The following ZNF558 variants were observed in gnomAD, a reference collection of about 807,000 sequenced individuals.
ZNF558 encodes zinc finger protein 558.
A neutral mutation model predicts 37.6 loss-of-function variants in ZNF558; 23 were observed. The observed-to-expected ratio is 0.61, with a 90% CI of 0.44 to 0.87. The LOEUF is 0.87. Among genes scored for constraint, ZNF558 ranks in the 40% least tolerant of loss-of-function variants. ZNF558 has a pLI of 0.00. For synonymous variants in ZNF558, 189 were observed against 174.4 expected (o/e 1.08, Z -0.66); for missense variants, 429 against 483.7 (o/e 0.89, Z 1.06).
At position 8,807,375 on chromosome 19, in the gene ZNF558, A is replaced by G. The variant is rs1425861619; in HGVS notation, c.*3906T>C. 10 of 152,162 alleles carry G rather than the reference A, an allele frequency of 6.6e-5. No individual in the cohort carries two copies. The highest frequency in any genetic ancestry group is 2.4e-4 in the African/African-American group (10 of 41,422). The allele number at this position is 152,162 out of a possible 1,614,324, so 9.4% of individuals were successfully genotyped here. A position where few individuals can be genotyped will look rare whatever the true frequency, so the allele number is the denominator to read the frequency against. Reference sequence around the variant, plus strand: ...TGAGTAGACCCTTTATGAAAACTCTACTTGAATTGTCCTAGTCTGTGGGTG... The same window carrying G: ...TGAGTAGACCCTTTATGAAAACTCTGCTTGAATTGTCCTAGTCTGTGGGTG... On this transcript the variant is annotated 3_prime_UTR_variant, in exon 10 of 10. Coordinates refer to ENST00000601372, the MANE Select transcript of ZNF558 (RefSeq NM_144693.3).
chr19:8,831,558 C>T (rs571079939), intron 1 of ZNF558, among the ~76,000 whole-genome samples, 157 bp from the exon 2 acceptor site: 1 of 152,334 alleles, frequency 6.6e-6, no homozygotes, highest in East Asian at 1.9e-4. Flanking sequence ...CCATGACTGG[C>T]TTTACCTGAT....
chr19:8,827,809 G>A (rs2044266629), intron 2 of ZNF558, among the ~76,000 whole-genome samples: 1 of 151,998 alleles, frequency 6.6e-6, no homozygotes, highest in Non-Finnish European at 1.5e-5. Flanking sequence ...TCTGACATCA[G>A]GTGATCAGCC....
rs900652772 is a variant in ZNF558, at chr19:8,816,438, C to T, written c.248-3216G>A. Among the ~76,000 whole-genome samples, 11 of 152,072 alleles carry T rather than the reference C, an allele frequency of 7.2e-5. 1 individual carries two copies. Among genetic ancestry groups the T allele is most frequent in the Non-Finnish European group, 1.0e-4 (7 of 68,040 alleles). On this transcript the variant is annotated intron_variant, in intron 7 of 9. Transcript: ENST00000601372. ...ACAGCAAGACGGAGATGACTTATGA[C>T]GTAAACAGGATCCTCGGTAAGATTA...
rs912140874 is a variant in ZNF558, at chr19:8,822,927, C to T, written c.-65-203G>A. On this transcript the variant is annotated intron_variant, in intron 4 of 9. Transcript: ENST00000601372. This position sits in a 1 kb window ranked among gnomAD's most constrained non-coding sequence, Gnocchi z 4.4. ...CCTTCCTCTGTCCCCAACACAACGA[C>T]CAGTACCTCCCTGACCCACCCGCTT... 3.7e-6 allele frequency: 2 copies of T among 539,320 alleles called. No homozygotes were observed. Among genetic ancestry groups the T allele is most frequent in the Non-Finnish European group, 6.7e-6 (2 of 298,222 alleles). The allele number at this position is 539,320 out of a possible 1,614,324, so 33.4% of individuals were successfully genotyped here.
chr19:8,819,463 G>A (rs1213112374), intron 7 of ZNF558, among the ~76,000 whole-genome samples: 1 of 152,138 alleles, frequency 6.6e-6, no homozygotes, highest in Non-Finnish European at 1.5e-5. Flanking sequence ...TTACAGGCGT[G>A]AGCCACTCTG....
chr19:8,824,720 CTG>C (rs2044191752), intron 3 of ZNF558, among the ~76,000 whole-genome samples: 1 of 152,138 alleles, frequency 6.6e-6, no homozygotes, highest in South Asian at 2.1e-4. Flanking sequence ...GAGGAGCTGT[CTG>C]TGCTCGAAGC....
intron 7 of ZNF558, among the ~76,000 whole-genome samples, chr19:8,814,792 A>G (rs2043889841): frequency 6.6e-6 from 1 of 152,178 alleles, no homozygotes; most frequent in South Asian, 2.1e-4. Context: ...CCATTACGCT[A>G]TCAGAAAAGA....
the ZNF558 span, among the ~76,000 whole-genome samples, chr19:8,837,501 A>G: frequency 5.9e-5 from 9 of 152,216 alleles, no homozygotes; most frequent in Non-Finnish European, 1.2e-4. Context: ...CTAGGAATAT[A>G]AAATTCCAGG....
At chr19:8,819,878 T>C (rs368413513) in intron 7 of ZNF558, among the ~76,000 whole-genome samples, 23 of 152,224 alleles carry the variant, frequency 1.5e-4, no homozygotes, top group Non-Finnish European at 2.8e-4. Flanking sequence ...AAGGCAGAGG[T>C]TGCAGTGAGC....
Position 8,827,571 on chromosome 19 carries a change from C to CTTTT in ZNF558, c.-508-2467_-508-2464dup, listed in dbSNP as rs386388513. Among the ~76,000 whole-genome samples, 493 of 94,060 alleles carry CTTTT rather than the reference C, an allele frequency of 5.2e-3. 4 individuals carry two copies. The highest frequency in any genetic ancestry group is 8.5e-3 in the East Asian group (23 of 2,694). 61.7% of individuals were successfully genotyped at this position (94,060 alleles called of 152,430 possible). Reference sequence around the variant, plus strand: ...TCTTGGTCACACTTCTTTCCCTATTCTTTTTTTTTTTTTTTTTTTTTTTTG... The same window carrying CTTTT: ...TCTTGGTCACACTTCTTTCCCTATTCTTTTTTTTTTTTTTTTTTTTTTTTTTTTG... On this transcript the variant is annotated intron_variant, in intron 2 of 9. Coordinates refer to ENST00000601372, the MANE Select transcript of ZNF558 (RefSeq NM_144693.3).
intron 2 of ZNF558, among the ~76,000 whole-genome samples, chr19:8,830,229 T>TC (rs889834339): frequency 4.6e-5 from 7 of 152,116 alleles, no homozygotes; most frequent in Admixed American, 2.0e-4. Flanking sequence ...TCCTGAGGCC[T>TC]CCCCCGCCAT....
rs146298317 is a variant in ZNF558 at position 8,808,373 on chromosome 19, T to C, written c.*2908A>G. On this transcript the variant is annotated 3_prime_UTR_variant, in exon 10 of 10. Coordinates refer to ENST00000601372, the MANE Select transcript of ZNF558 (RefSeq NM_144693.3). ...ATTAATGCATTACAATACTTTGCTATGTAAAAATATCATCTCCACATAAAA... is the reference window on the plus strand; with the variant it reads ...ATTAATGCATTACAATACTTTGCTACGTAAAAATATCATCTCCACATAAAA... 7 of 139,862 alleles carry C rather than the reference T, an allele frequency of 5.0e-5. No individual in the cohort carries two copies. The highest frequency in any genetic ancestry group is 1.9e-4 in the African/African-American group (7 of 35,914). The allele number at this position is 139,862 out of a possible 1,614,324, so 8.7% of individuals were successfully genotyped here.
rs1343836576 is a variant in ZNF558 at position 8,807,366 on chromosome 19, G to A, written c.*3915C>T. The A allele has an allele frequency of 6.6e-6, 1 of 152,168 alleles. No individual in the cohort carries two copies. Among genetic ancestry groups the A allele is most frequent in the Non-Finnish European group, 1.5e-5 (1 of 68,052 alleles). 9.4% of individuals were successfully genotyped at this position (152,168 alleles called of 1,614,324 possible). ...CCACAGGACTGAGTAGACCCTTTAT[G>A]AAAACTCTACTTGAATTGTCCTAGT... is the stretch of plus-strand genomic sequence containing the variant. On this transcript the variant is annotated 3_prime_UTR_variant, in exon 10 of 10. Coordinates refer to ENST00000601372, the MANE Select transcript of ZNF558 (RefSeq NM_144693.3).
At chr19:8,833,999 CAAAACAA>C (rs2145336346), upstream of ZNF558, among the ~76,000 whole-genome samples, 1 of 151,570 alleles carries the variant, frequency 6.6e-6, no homozygotes, top group Admixed American at 6.6e-5. Flanking sequence ...AAAAACAAAA[CAAAACAA>C]AAACCAAAAA....
intron 2 of ZNF558, among the ~76,000 whole-genome samples, chr19:8,827,503 T>C (rs1373513585): frequency 6.6e-6 from 1 of 151,732 alleles, no homozygotes; most frequent in African/African-American, 2.4e-5. Flanking sequence ...GAACAGAGTC[T>C]GAAGTGAGGC....
At position 8,822,175 on chromosome 19, in the gene ZNF558, A is replaced by T. The variant is rs2044111266; in HGVS notation, c.32-84T>A. The T allele has an allele frequency of 1.3e-6, 2 of 1,534,476 alleles. No individual in the cohort carries two copies. Among genetic ancestry groups the T allele is most frequent in the Non-Finnish European group, 1.8e-6 (2 of 1,117,556 alleles). On this transcript the variant is annotated intron_variant, in intron 5 of 9. Coordinates refer to ENST00000601372, the MANE Select transcript of ZNF558 (RefSeq NM_144693.3). The surrounding 1 kb of genome is among the most constrained non-coding windows in gnomAD (Gnocchi z 4.4). ...CCCTGATTGACCACACCCACCTCCC[A>T]CACCCACACGGATGAGGCACCACAC...
chr19:8,826,917 G>A (rs557314965), intron 2 of ZNF558, among the ~76,000 whole-genome samples: 1 of 152,066 alleles, frequency 6.6e-6, no homozygotes, highest in South Asian at 2.1e-4. Context: ...CCCTCTACAG[G>A]GGGAAGTATC....
Position 8,812,565 on chromosome 19 carries a change from T to A in ZNF558, c.422A>T (p.Lys141Ile), listed in dbSNP as rs782598139. ...AATCACCCATGTTAGTCTTACCGTT[T>A]TTACACCTTTAGACTGTTCTTTTCT... Reference protein sequence around the residue: ...VFRKEQSKGVKTERSHRGVKL... With the variant: ...VFRKEQSKGVITERSHRGVKL... The change falls in exon 9 of 10, where the codon AAA (lysine) becomes ATA (isoleucine). Residue 141 changes from lysine (K) to isoleucine (I), a missense_variant. Physicochemically the swap from Lys to Ile is moderately radical, Grantham distance 102. Coordinates refer to ENST00000601372, the MANE Select transcript of ZNF558 (RefSeq NM_144693.3). 1 of 1,573,310 alleles carries A rather than the reference T, an allele frequency of 6.4e-7. No homozygotes were observed. Among genetic ancestry groups the A allele is most frequent in the South Asian group, 1.2e-5 (1 of 82,864 alleles).
rs782608551 is a variant in ZNF558, at chr19:8,811,575, G to A, written c.915C>T (p.Ser305=). ...HDCGKTFRKS[S]YLTQHVRTHT... ...GAGTTCTTACGTGCTGTGTCAGATA[G>A]GAGCTCTTCCTGAAGGTTTTCCCAC... Residue 305 remains serine (S), a synonymous_variant, in exon 10 of 10, where the codon TCC becomes TCT. Coordinates refer to ENST00000601372, the MANE Select transcript of ZNF558 (RefSeq NM_144693.3). 2.0e-5 allele frequency: 32 copies of A among 1,613,774 alleles called. No individual in the cohort carries two copies. Among genetic ancestry groups the A allele is most frequent in the Non-Finnish European group, 2.7e-5 (32 of 1,179,968 alleles).
Sources: gnomAD v4.1 joint callset for allele counts (sites outside exome capture counted in the v4.1 genomes callset) on GRCh38, gnomAD v4.1.1 for gene constraint, Gnocchi (gnomAD v3.1) non-coding constraint, MANE v1.5 for transcripts, NCBI Gene and HGNC (gene_info 2026-07-23, HGNC 2026-07-21) for gene names.